The following PARP15 variants were observed in gnomAD, a reference collection of about 807,000 sequenced individuals.
PARP15 encodes protein mono-ADP-ribosyltransferase PARP15.
Under a neutral mutation model 62.1 loss-of-function variants are expected in PARP15, and 50 were observed. The observed-to-expected ratio is 0.81, with a 90% CI of 0.64 to 1.02. The LOEUF (loss-of-function observed/expected upper bound fraction) is 1.02, where lower values mean the gene tolerates loss of function less well. Among genes scored for constraint, PARP15 ranks in the 50% least tolerant of loss-of-function variants. The pLI is 0.00. For missense variants in PARP15, 820 were observed against 826.5 expected (o/e 0.99, Z 0.10); for synonymous variants, 309 against 293.1 (o/e 1.05, Z -0.55).
At chr3:122,591,165 A>G (rs1933876107) in intron 1 of PARP15, among the ~76,000 whole-genome samples, 1 of 152,248 alleles carries the variant, frequency 6.6e-6, no homozygotes, top group African/African-American at 2.4e-5. Flanking sequence ...CAAATCTCAA[A>G]TCAGATATAA....
At chr3:122,596,379 A>G (rs1009812790) in intron 1 of PARP15, among the ~76,000 whole-genome samples, 3 of 121,606 alleles carry the variant, frequency 2.5e-5, no homozygotes, top group South Asian at 2.7e-4. Context: ...AAAAAAAAAA[A>G]AGCATAAACG....
At position 122,630,828 on chromosome 3, in the gene PARP15, C is replaced by T. The variant is rs551276490; in HGVS notation, c.1439-1258C>T. ...TTTCAGACTCCTTACTATATTTTAA[C>T]TTTGCAACAATCCCATGAGGTGGTA... On this transcript the variant is annotated intron_variant, in intron 9 of 11. Coordinates refer to ENST00000464300, the MANE Select transcript of PARP15 (RefSeq NM_001113523.3). Among the ~76,000 whole-genome samples the T allele has an allele frequency of 3.3e-4, 51 of 152,296 alleles. 1 individual carries two copies. The East Asian group carries it at 9.4e-3, about 28-fold the overall frequency.
intron 7 of PARP15, among the ~76,000 whole-genome samples, chr3:122,620,392 G>A (rs1044417535): frequency 2.0e-5 from 3 of 152,120 alleles, no homozygotes; most frequent in African/African-American, 7.2e-5. Flanking sequence ...ATTATAAACT[G>A]TTTGTCCTTC....
At chr3:122,602,096 T>C (rs1934840402) in intron 1 of PARP15, among the ~76,000 whole-genome samples, 1 of 152,206 alleles carries the variant, frequency 6.6e-6, no homozygotes, top group South Asian at 2.1e-4. Context: ...TCCTTAGTGG[T>C]CTTTCTTTTC....
intron 1 of PARP15, among the ~76,000 whole-genome samples, chr3:122,581,715 T>C (rs6764982): frequency 0.061 from 9,343 of 152,224 alleles, 903 homozygotes; most frequent in African/African-American, 0.21. Context: ...TGTTGATTGT[T>C]TCCTTTGCTA....
At chr3:122,635,775 A>G (rs1576555980) in intron 11 of PARP15, 36 bp from the exon 12 acceptor site, 1 of 1,580,470 alleles carries the variant, frequency 6.3e-7, no homozygotes, top group Non-Finnish European at 8.6e-7. Context: ...GTGTAATTTT[A>G]TATTCTTAGG....
At chr3:122,635,298 T>C (rs1937292799) in intron 11 of PARP15, 104 bp downstream of exon 11, 1 of 1,039,520 alleles carries the variant, frequency 9.6e-7, no homozygotes, top group African/African-American at 1.6e-5. Context: ...GTATTATCAC[T>C]GTCAGAATAG....
At position 122,581,511 on chromosome 3, in the gene PARP15, T is replaced by A. The variant is rs569093728; in HGVS notation, c.186+3658T>A. ...CCCTAATGATTAGCAGTGTTGAGCA[T>A]CTTTTTATATTCTTGTCATCCATTT... On this transcript the variant is annotated intron_variant, in intron 1 of 11. Coordinates refer to ENST00000464300, the MANE Select transcript of PARP15 (RefSeq NM_001113523.3). Among the ~76,000 whole-genome samples, 12 of 152,350 alleles carry A rather than the reference T, an allele frequency of 7.9e-5. No individual in the cohort carries two copies. In the South Asian group the frequency reaches 2.5e-3, roughly 32 times the overall value.
rs558075096 is a variant in PARP15 at position 122,583,222 on chromosome 3, G to A, written c.186+5369G>A. ...TGCAACCTCTGTCTCCCAGGTTCAA[G>A]CAATTCTCCTTCCTCAGCCTCCTAA... On this transcript the variant is annotated intron_variant, in intron 1 of 11. Coordinates refer to ENST00000464300, the MANE Select transcript of PARP15 (RefSeq NM_001113523.3). Among the ~76,000 whole-genome samples the A allele has an allele frequency of 3.6e-5, 5 of 140,830 alleles. No individual in the cohort carries two copies. In the East Asian group the frequency reaches 8.7e-4, roughly 25 times the overall value. 92.4% of individuals were successfully genotyped at this position (140,830 alleles called of 152,430 possible).
At position 122,595,686 on chromosome 3, in the gene PARP15, A is replaced by G. The variant is rs541112990; in HGVS notation, c.187-10250A>G. 2.3e-3 allele frequency among the ~76,000 whole-genome samples: 351 copies of G among 151,950 alleles called. 2 individuals carry two copies. The highest frequency in any genetic ancestry group is 8.2e-3 in the African/African-American group (340 of 41,416). On this transcript the variant is annotated intron_variant, in intron 1 of 11. Transcript: ENST00000464300. The stretch of plus-strand genomic sequence containing the variant: ...GTTGGGACTACAGGCATGCACCACC[A>G]CACCCAGCTAATTTTTGTATTTTTT...
At position 122,616,962 on chromosome 3, in the gene PARP15, G is replaced by T. The variant is rs1936014536; in HGVS notation, c.851-53G>T. 2.5e-6 allele frequency: 4 copies of T among 1,589,590 alleles called. No homozygotes were observed. In the South Asian group the frequency reaches 4.6e-5, roughly 18 times the overall value. ...AGAATAGGGCCCCAAGATGAGTGCT[G>T]TTCCTCCAGAAGCTGAGCCAGCCCA... On this transcript the variant is annotated intron_variant, in intron 5 of 11. Transcript: ENST00000464300.
chr3:122,615,512 T>C, intron 4 of PARP15: 1 of 1,153,720 alleles, frequency 8.7e-7, no homozygotes, highest in South Asian at 1.6e-5. Context: ...GGCATGTGAC[T>C]TCCTGCAGAG....
At chr3:122,622,635 A>C (rs1936423198) in intron 8 of PARP15, among the ~76,000 whole-genome samples, 1 of 152,198 alleles carries the variant, frequency 6.6e-6, no homozygotes, top group South Asian at 2.1e-4. Context: ...GGCACTGGGG[A>C]GAAAATCATG....
rs1240213897 is a variant in PARP15, at chr3:122,615,788, G to C, written c.781G>C (p.Asp261His). ...CTGTTTCTATTTCCAGGCATTTTTA[G>C]ATGAATTCACTAACTGGTCAAGAAT... is the stretch of plus-strand genomic sequence containing the variant. ...NDDEGCQAFL[D>H]EFTNWSRINP... Residue 261 changes from aspartate (D) to histidine (H), a missense_variant, in exon 5 of 12, where the codon GAT (aspartate) becomes CAT (histidine). Transcript: ENST00000464300. 2 of 1,612,868 alleles carry C rather than the reference G, an allele frequency of 1.2e-6. No homozygotes were observed. Among genetic ancestry groups the C allele is most frequent in the Non-Finnish European group, 1.7e-6 (2 of 1,179,096 alleles).
chr3:122,605,927 T>G lies in PARP15; in HGVS notation c.187-9T>G. On this transcript the variant is annotated splice_polypyrimidine_tract_variant and intron_variant, in intron 1 of 11. Coordinates refer to ENST00000464300, the MANE Select transcript of PARP15 (RefSeq NM_001113523.3). ...CATTGCTGGTAATGCTTTACTGTTT[T>G]CTCCACAGTCCAGAGACAACAAGTT... The G allele has an allele frequency of 6.4e-7, 1 of 1,550,672 alleles. No homozygotes were observed. Among genetic ancestry groups the G allele is most frequent in the African/African-American group, 1.4e-5 (1 of 73,106 alleles).
At chr3:122,592,751 C>T (rs548200585) in intron 1 of PARP15, among the ~76,000 whole-genome samples, 1 of 152,294 alleles carries the variant, frequency 6.6e-6, no homozygotes, top group East Asian at 1.9e-4. Context: ...TCATTATCCT[C>T]ACTTTCTGGG....
intron 2 of PARP15, among the ~76,000 whole-genome samples, chr3:122,608,594 A>T (rs539629756): frequency 2.0e-5 from 3 of 152,030 alleles, no homozygotes; most frequent in Non-Finnish European, 4.4e-5. Context: ...AATTATAGCC[A>T]TTCTTCAAGG....
chr3:122,620,412 C>G (rs576508686), intron 7 of PARP15, among the ~76,000 whole-genome samples: 1 of 152,256 alleles, frequency 6.6e-6, no homozygotes, highest in East Asian at 1.9e-4. Flanking sequence ...CAAAATATCC[C>G]TTGCAGAGTA....
chr3:122,627,644 C>G (rs1936818169), intron 9 of PARP15, among the ~76,000 whole-genome samples: 1 of 152,236 alleles, frequency 6.6e-6, no homozygotes, highest in African/African-American at 2.4e-5. Context: ...CCTCCTCTTG[C>G]AATCACTATT....
Sources: allele counts gnomAD v4.1 joint callset (sites outside exome capture counted in the v4.1 genomes callset), GRCh38; gene constraint gnomAD v4.1.1; transcripts MANE v1.5; gene names NCBI Gene and HGNC (gene_info 2026-07-23, HGNC 2026-07-21).